Variants in CDC42EP4 observed in about 807,000 individuals in gnomAD.
The protein encoded by CDC42EP4 is CDC42 effector protein (Rho GTPase binding) 4.
In CDC42EP4, 6 loss-of-function variants were observed where a neutral mutation model predicts 5.6. The ratio of observed to expected loss-of-function variants is 1.07; its 90% CI spans 0.59 to 2.12. CDC42EP4 has a LOEUF of 2.12. Ranked by LOEUF, CDC42EP4 falls within the 30% of genes most tolerant of loss-of-function variation. The pLI is 0.00. For missense variants in CDC42EP4, 490 were observed against 508.6 expected (o/e 0.96, Z 0.35); for synonymous variants, 230 against 224.2 (o/e 1.03, Z -0.23).
chr17:73,294,128 A>T (rs1281215047), intron 1 of CDC42EP4, among the ~76,000 whole-genome samples: 1 of 152,168 alleles, frequency 6.6e-6, no homozygotes, highest in African/African-American at 2.4e-5. Flanking sequence ...AGGCGGGTGG[A>T]TCTCCTGAGG....
intron 1 of CDC42EP4, among the ~76,000 whole-genome samples, chr17:73,298,206 C>T (rs553874085): frequency 6.6e-6 from 1 of 152,288 alleles, no homozygotes; most frequent in East Asian, 1.9e-4. Context: ...CTTCCTCCCT[C>T]AAAATCACCC....
At chr17:73,287,444 C>A (rs1683040199) in intron 1 of CDC42EP4, among the ~76,000 whole-genome samples, 1 of 152,186 alleles carries the variant, frequency 6.6e-6, no homozygotes, top group Non-Finnish European at 1.5e-5. Context: ...TTCGTCCCCC[C>A]AGGATCTGCA....
intron 1 of CDC42EP4, among the ~76,000 whole-genome samples, chr17:73,296,256 T>C (rs2062184283): frequency 6.9e-6 from 1 of 144,906 alleles, no homozygotes; most frequent in Non-Finnish European, 1.5e-5. Flanking sequence ...AAAAAATACA[T>C]AAAAAAATAA....
chr17:73,294,157 C>A (rs888744514), intron 1 of CDC42EP4, among the ~76,000 whole-genome samples: 1 of 152,116 alleles, frequency 6.6e-6, no homozygotes, highest in Non-Finnish European at 1.5e-5. Flanking sequence ...TCGAGACCAG[C>A]CTGGCCAACA....
intron 1 of CDC42EP4, among the ~76,000 whole-genome samples, chr17:73,307,670 G>A (rs996070447): frequency 8.6e-5 from 13 of 151,138 alleles, no homozygotes; most frequent in South Asian, 4.2e-4. Flanking sequence ...GGATGGTCTC[G>A]ATCTCCTGAC....
At chr17:73,305,066 A>G (rs2062238072) in intron 1 of CDC42EP4, among the ~76,000 whole-genome samples, 1 of 152,180 alleles carries the variant, frequency 6.6e-6, no homozygotes, top group Non-Finnish European at 1.5e-5. Flanking sequence ...CCTCCTGGGA[A>G]TTAGAACAGC....
chr17:73,304,441 C>T (rs185196238), intron 1 of CDC42EP4, among the ~76,000 whole-genome samples: 10 of 152,140 alleles, frequency 6.6e-5, no homozygotes, highest in Non-Finnish European at 8.8e-5. Flanking sequence ...TAGTCATACA[C>T]GGTCCCAAGC....
intron 1 of CDC42EP4, among the ~76,000 whole-genome samples, chr17:73,296,572 A>G (rs1292698440): frequency 1.3e-5 from 2 of 152,200 alleles, no homozygotes; most frequent in African/African-American, 4.8e-5. Context: ...CATGGACCAA[A>G]TGTTTACCAA....
intron 1 of CDC42EP4, among the ~76,000 whole-genome samples, chr17:73,291,928 C>CTA (rs1389777735): frequency 1.3e-5 from 2 of 152,196 alleles, no homozygotes; most frequent in Admixed American, 6.5e-5. Flanking sequence ...GTTCCTGAGA[C>CTA]TACGGAAGAC....
At chr17:73,303,663 A>G (rs1057346270) in intron 1 of CDC42EP4, among the ~76,000 whole-genome samples, 2 of 128,550 alleles carry the variant, frequency 1.6e-5, no homozygotes, top group Admixed American at 7.5e-5. Flanking sequence ...CTCTGTCTCC[A>G]AAAAAAAAAA....
At chr17:73,291,008 A>G (rs2062158915) in intron 1 of CDC42EP4, among the ~76,000 whole-genome samples, 1 of 152,160 alleles carries the variant, frequency 6.6e-6, no homozygotes, top group Non-Finnish European at 1.5e-5. Context: ...CACACCACCC[A>G]GCACATCCTT....
intron 1 of CDC42EP4, among the ~76,000 whole-genome samples, chr17:73,292,165 C>T (rs569624257): frequency 6.6e-6 from 1 of 152,380 alleles, no homozygotes; most frequent in Admixed American, 6.5e-5. Flanking sequence ...CCCCGGTATA[C>T]AGGGTACACA....
At chr17:73,310,519 C>G (rs548601302) in intron 1 of CDC42EP4, among the ~76,000 whole-genome samples, 2 of 152,178 alleles carry the variant, frequency 1.3e-5, no homozygotes, top group South Asian at 2.1e-4. Context: ...TCTGGGCAAA[C>G]AGTGGGCACC....
At chr17:73,289,798 GA>G (rs1046000312) in intron 1 of CDC42EP4, among the ~76,000 whole-genome samples, 9 of 130,400 alleles carry the variant, frequency 6.9e-5, no homozygotes, top group Non-Finnish European at 1.1e-4. Flanking sequence ...AATAAGGAAA[GA>G]AAAAAAGAAA....
intron 1 of CDC42EP4, among the ~76,000 whole-genome samples, chr17:73,294,668 C>T (rs367844510): frequency 1.3e-5 from 2 of 152,128 alleles, no homozygotes; most frequent in Non-Finnish European, 2.9e-5. Flanking sequence ...TATATCTACA[C>T]ACATATATAT....
chr17:73,310,415 T>C (rs1452957073), intron 1 of CDC42EP4, among the ~76,000 whole-genome samples: 1 of 151,994 alleles, frequency 6.6e-6, no homozygotes, highest in Non-Finnish European at 1.5e-5. Flanking sequence ...GAGAGAGATT[T>C]TCCCTCCAGC....
rs776927898 is a variant in CDC42EP4 at position 73,285,907 on chromosome 17, G to C, written c.594C>G (p.Tyr198Ter). 1 of 1,613,914 alleles carries C rather than the reference G, an allele frequency of 6.2e-7. No homozygotes were observed. The highest frequency in any genetic ancestry group is 8.5e-7 in the Non-Finnish European group (1 of 1,180,040). ...TGATGGACTCCGCATGCTTCAGCCCGTACGTGGCCTTGGGCACGACAGGCA... is the reference window on the plus strand; with the variant it reads ...TGATGGACTCCGCATGCTTCAGCCCCTACGTGGCCTTGGGCACGACAGGCA... The part of the protein sequence containing the change: ...TDLPVVPKAT[Y>*]GLKHAESIMS... The change falls in exon 2 of 2, where the codon TAC becomes TAG. Residue 198 changes from tyrosine to a stop codon, truncating the protein, a stop_gained. Coordinates refer to ENST00000335793, the MANE Select transcript of CDC42EP4 (RefSeq NM_012121.5). LOFTEE classifies it low-confidence loss of function (END_TRUNC). The surrounding 1 kb of genome is among the most constrained non-coding windows in gnomAD (Gnocchi z 6.8).
chr17:73,295,415 A>G (rs1201455757), intron 1 of CDC42EP4, among the ~76,000 whole-genome samples: 1 of 152,128 alleles, frequency 6.6e-6, no homozygotes, highest in Non-Finnish European at 1.5e-5. Flanking sequence ...ATCTTGCCCA[A>G]ATTAAGAGCT....
intron 1 of CDC42EP4, among the ~76,000 whole-genome samples, chr17:73,300,428 G>A (rs1201593083): frequency 6.6e-6 from 1 of 152,190 alleles, no homozygotes; most frequent in Non-Finnish European, 1.5e-5. Context: ...CCTGGACAAG[G>A]AGGAAAGCAA....
Sources: gnomAD v4.1 joint callset for allele counts (sites outside exome capture counted in the v4.1 genomes callset) on GRCh38, gnomAD v4.1.1 for gene constraint, Gnocchi (gnomAD v3.1) non-coding constraint, MANE v1.5 for transcripts, NCBI Gene and HGNC (gene_info 2026-07-23, HGNC 2026-07-21) for gene names.